The following LUC7L3 variants were observed in gnomAD, a reference collection of about 807,000 sequenced individuals.
LUC7L3 encodes LUC7 like 3 pre-mRNA splicing factor.
A neutral mutation model predicts 66.8 loss-of-function variants in LUC7L3; 6 were observed. The ratio of observed to expected loss-of-function variants is 0.09; its 90% CI spans 0.05 to 0.18. The LOEUF (loss-of-function observed/expected upper bound fraction) is 0.18. Among genes scored for constraint, LUC7L3 ranks in the 10% least tolerant of loss-of-function variants. The pLI, the probability that LUC7L3 is intolerant of heterozygous loss-of-function variation, is 1.00. For missense variants in LUC7L3, 341 were observed against 531.1 expected (o/e 0.64, Z 3.52); for synonymous variants, 160 against 174.7 (o/e 0.92, Z 0.66).
At chr17:50,749,184 C>T in intron 9 of LUC7L3, 1 of 1,285,704 alleles carries the variant, frequency 7.8e-7, no homozygotes, top group Non-Finnish European at 1.0e-6. Flanking sequence ...TTGTGGATGT[C>T]CTTAGGACTA....
intron 9 of LUC7L3, among the ~76,000 whole-genome samples, chr17:50,749,667 G>A (rs1357890234): frequency 6.6e-6 from 1 of 152,088 alleles, no homozygotes; most frequent in Non-Finnish European, 1.5e-5. Flanking sequence ...CTTAGTAAGG[G>A]GAAAAGTAAT....
chr17:50,739,250 A>G (rs1175633962), intron 2 of LUC7L3, among the ~76,000 whole-genome samples: 1 of 152,238 alleles, frequency 6.6e-6, no homozygotes, highest in Non-Finnish European at 1.5e-5. Context: ...GAAGTAAGGC[A>G]GAAGGCCCAT....
rs1970630369 is a variant in LUC7L3, at chr17:50,745,704, A to G, written c.694-16A>G. The G allele has an allele frequency of 1.3e-6, 2 of 1,566,630 alleles. No individual in the cohort carries two copies. Among genetic ancestry groups the G allele is most frequent in the Non-Finnish European group, 1.7e-6 (2 of 1,164,458 alleles). ...TAAAGTTACATTTGCATAAGAATCC[A>G]ACTTGATTTTTCTAGGAAAAGTTAA... On this transcript the variant is annotated splice_polypyrimidine_tract_variant and intron_variant, in intron 7 of 9. Transcript: ENST00000505658.
chr17:50,735,713 G>T (rs1969940608), intron 1 of LUC7L3, among the ~76,000 whole-genome samples: 1 of 152,036 alleles, frequency 6.6e-6, no homozygotes, highest in South Asian at 2.1e-4. Context: ...GCCCAAGCCG[G>T]TCTCAAATTC....
At chr17:50,746,837 A>C (rs1253287692) in intron 9 of LUC7L3, 135 bp downstream of exon 9, 2 of 642,770 alleles carry the variant, frequency 3.1e-6, no homozygotes, top group African/African-American at 3.8e-5. Context: ...ATTCAGTAGG[A>C]GACAGGCATT....
chr17:50,751,417 C>T lies in LUC7L3; in HGVS notation c.*756C>T, dbSNP rs1304372035. 2.3e-6 allele frequency: 3 copies of T among 1,288,302 alleles called. No individual in the cohort carries two copies. Among genetic ancestry groups the T allele is most frequent in the Non-Finnish European group, 2.0e-6 (2 of 988,084 alleles). 79.8% of individuals were successfully genotyped at this position (1,288,302 alleles called of 1,614,324 possible). ...CCACATCCATGTTTGAATGCTATTGCCTGTGATCTTTACGCTTAACTGTTG... is the reference window on the plus strand; with the variant it reads ...CCACATCCATGTTTGAATGCTATTGTCTGTGATCTTTACGCTTAACTGTTG... On this transcript the variant is annotated 3_prime_UTR_variant, in exon 10 of 10. Transcript: ENST00000505658.
At chr17:50,729,254 TAAGTC>T (rs890625977) in intron 1 of LUC7L3, among the ~76,000 whole-genome samples, 18 of 152,190 alleles carry the variant, frequency 1.2e-4, no homozygotes, top group African/African-American at 4.1e-4. Flanking sequence ...GGTGGTGAGT[TAAGTC>T]AAGGAATAAA....
chr17:50,740,677 A>C (rs185588383), intron 3 of LUC7L3, among the ~76,000 whole-genome samples: 1 of 152,054 alleles, frequency 6.6e-6, no homozygotes, highest in South Asian at 2.1e-4. Flanking sequence ...TCCTGCCTCA[A>C]ACTCCCGAGT....
At chr17:50,729,185 A>G (rs1049332602) in intron 1 of LUC7L3, among the ~76,000 whole-genome samples, 4 of 150,756 alleles carry the variant, frequency 2.7e-5, no homozygotes, top group Non-Finnish European at 6.0e-5. Context: ...AAGAAAGATG[A>G]ATAAAAGCGA....
At chr17:50,728,907 T>C (rs74331639) in intron 1 of LUC7L3, among the ~76,000 whole-genome samples, 2 of 152,046 alleles carry the variant, frequency 1.3e-5, no homozygotes, top group Admixed American at 6.6e-5. Flanking sequence ...GATTTTAAAT[T>C]AATATTTGTA....
chr17:50,731,464 G>T (rs943349546), intron 1 of LUC7L3, among the ~76,000 whole-genome samples: 18 of 152,136 alleles, frequency 1.2e-4, no homozygotes, highest in African/African-American at 4.1e-4. Flanking sequence ...CACCACACCT[G>T]GCCTCTCTGG....
intron 2 of LUC7L3, chr17:50,738,046 T>A (rs1970092553): frequency 4.9e-6 from 2 of 408,004 alleles, no homozygotes; most frequent in South Asian, 1.8e-5. Flanking sequence ...AAAAAAAGAA[T>A]GTAAAACAGA....
Position 50,752,247 on chromosome 17 carries a change from T to G in LUC7L3, c.*1586T>G. On this transcript the variant is annotated 3_prime_UTR_variant, in exon 10 of 10. Transcript: ENST00000505658. ...GAAGAATACTGAGAACGGCATAAAG[T>G]GAAGATCGACATTTAAAAAATGAGG... is the stretch of plus-strand genomic sequence containing the variant. 1 of 1,278,894 alleles carries G rather than the reference T, an allele frequency of 7.8e-7. No individual in the cohort carries two copies. The highest frequency in any genetic ancestry group is 1.0e-6 in the Non-Finnish European group (1 of 983,044). 79.2% of individuals were successfully genotyped at this position (1,278,894 alleles called of 1,614,324 possible).
In LUC7L3 at chr17:50,746,620, A is replaced by G. The variant is rs1597938600; in HGVS notation, c.1056A>G (p.Arg352=). The G allele has an allele frequency of 1.2e-6, 2 of 1,614,186 alleles. No individual in the cohort carries two copies. The highest frequency in any genetic ancestry group is 2.2e-5 in the East Asian group (1 of 44,882). The change falls in exon 9 of 10, where the codon AGA becomes AGG. Residue 352 remains arginine (R), a synonymous_variant. Coordinates refer to ENST00000505658, the MANE Select transcript of LUC7L3 (RefSeq NM_016424.5). ...GATCTCGAAGTCGGGATCGAAGAAGATCAAAAAGCCGGGATCGAAAGTCAT... is the reference window on the plus strand; with the variant it reads ...GATCTCGAAGTCGGGATCGAAGAAGGTCAAAAAGCCGGGATCGAAAGTCAT... ...KHRSRSRDRR[R]SKSRDRKSYK... is the part of the protein sequence containing the mutation.
At chr17:50,745,429 T>C (rs1418406908) in intron 7 of LUC7L3, among the ~76,000 whole-genome samples, 1 of 152,248 alleles carries the variant, frequency 6.6e-6, no homozygotes, top group East Asian at 1.9e-4. Flanking sequence ...GATATTTTCC[T>C]ATGTGTAATT....
At chr17:50,749,474 T>G (rs1970871986) in intron 9 of LUC7L3, 3 of 776,482 alleles carry the variant, frequency 3.9e-6, no homozygotes, top group Admixed American at 7.5e-5. Flanking sequence ...ATATGCTCTT[T>G]TACATAAGAT....
chr17:50,733,546 C>T (rs1055894224), intron 1 of LUC7L3, among the ~76,000 whole-genome samples: 6 of 151,998 alleles, frequency 3.9e-5, no homozygotes, highest in East Asian at 1.9e-4. Flanking sequence ...GGACTACAGG[C>T]GGCCGCTACC....
Position 50,745,660 on chromosome 17 carries a change from C to T in LUC7L3, c.694-60C>T, listed in dbSNP as rs574657960. ...CTACAGATAACTTCACATTAGTTGA[C>T]CATTGTTTAACAATGCTTTAAAGTT... On this transcript the variant is annotated intron_variant, in intron 7 of 9. Coordinates refer to ENST00000505658, the MANE Select transcript of LUC7L3 (RefSeq NM_016424.5). 1.6e-5 allele frequency: 21 copies of T among 1,351,342 alleles called. No homozygotes were observed. The African/African-American group carries it at 2.6e-4, about 17-fold the overall frequency. The allele number at this position is 1,351,342 out of a possible 1,614,324, so 83.7% of individuals were successfully genotyped here.
rs1432774823 is a variant in LUC7L3, at chr17:50,752,884, A to G, written c.*2223A>G. The G allele has an allele frequency of 6.6e-6, 1 of 152,200 alleles. No homozygotes were observed. The highest frequency in any genetic ancestry group is 6.6e-5 in the Admixed American group (1 of 15,266). 9.4% of individuals were successfully genotyped at this position (152,200 alleles called of 1,614,324 possible). On this transcript the variant is annotated 3_prime_UTR_variant, in exon 10 of 10. Transcript: ENST00000505658. ...AATTTGAATTTTGCTTTTAATAGCA[A>G]AGATGTGCAGTGAACTAGAATATAT...
Sources: gnomAD v4.1 joint callset for allele counts (sites outside exome capture counted in the v4.1 genomes callset) on GRCh38, gnomAD v4.1.1 for gene constraint, MANE v1.5 for transcripts, NCBI Gene and HGNC (gene_info 2026-07-23, HGNC 2026-07-21) for gene names.